NYAP2: variants seen among roughly 807,000 people sequenced by gnomAD.
The protein encoded by NYAP2 is neuronal tyrosine-phosphorylated phosphoinositide-3-kinase adaptor 2, also known as neuronal tyrosine-phosphorylated phosphoinositide-3-kinase adapter 2.
In NYAP2, 23 loss-of-function variants were observed where a neutral mutation model predicts 50.4. The ratio of observed to expected loss-of-function variants is 0.46; its 90% CI spans 0.33 to 0.65. The LOEUF (loss-of-function observed/expected upper bound fraction) is 0.65, where lower values mean the gene tolerates loss of function less well. Ranked by LOEUF, NYAP2 falls within the 30% of genes least tolerant of loss-of-function variation. The pLI is 0.02. For synonymous variants in NYAP2, 394 were observed against 365.2 expected (o/e 1.08, Z -0.90); for missense variants, 885 against 861.0 (o/e 1.03, Z -0.35).
chr2:225,571,032 C>T (rs1692062160), intron 4 of NYAP2, among the ~76,000 whole-genome samples: 1 of 152,210 alleles, frequency 6.6e-6, no homozygotes, highest in Admixed American at 6.5e-5. Context: ...ATAGGGTAGT[C>T]ATTAAATCTT....
At chr2:225,538,500 T>C (rs1691390485) in intron 4 of NYAP2, among the ~76,000 whole-genome samples, 2 of 152,208 alleles carry the variant, frequency 1.3e-5, no homozygotes, top group Admixed American at 1.3e-4. Context: ...TTGGCCCTTT[T>C]TCAGCCAGGC....
the NYAP2 span, among the ~76,000 whole-genome samples, chr2:225,694,768 A>G: frequency 6.6e-6 from 1 of 151,866 alleles, no homozygotes; most frequent in Non-Finnish European, 1.5e-5. Context: ...TCAAATATAT[A>G]TTTATATTTT....
intron 4 of NYAP2, among the ~76,000 whole-genome samples, chr2:225,523,121 C>T (rs959143287): frequency 6.6e-6 from 1 of 152,068 alleles, no homozygotes; most frequent in African/African-American, 2.4e-5. Context: ...CAGGGCCAGC[C>T]ACATATTTGA....
intron 4 of NYAP2, among the ~76,000 whole-genome samples, chr2:225,547,699 G>A (rs1301574531): frequency 7.2e-5 from 11 of 152,180 alleles, no homozygotes; most frequent in Non-Finnish European, 1.5e-4. Flanking sequence ...GGAAGAAGTG[G>A]CATCAGCAAT....
intron 4 of NYAP2, among the ~76,000 whole-genome samples, chr2:225,576,678 A>G (rs1467451683): frequency 2.0e-5 from 3 of 152,252 alleles, no homozygotes; most frequent in African/African-American, 7.2e-5. Flanking sequence ...GCAAAGTTAT[A>G]GTGCTGCTAT....
intron 4 of NYAP2, among the ~76,000 whole-genome samples, chr2:225,562,171 C>T (rs1691887528): frequency 6.6e-6 from 1 of 151,976 alleles, no homozygotes; most frequent in Admixed American, 6.6e-5. Flanking sequence ...GTTTTGTTTC[C>T]CCTTTAAATG....
At chr2:225,492,939 G>A (rs1345686302) in intron 3 of NYAP2, among the ~76,000 whole-genome samples, 2 of 151,926 alleles carry the variant, frequency 1.3e-5, no homozygotes, top group African/African-American at 4.8e-5. Context: ...CTAAATCAAT[G>A]TATCCTGGCA....
At chr2:225,570,227 T>C (rs1355931805) in intron 4 of NYAP2, among the ~76,000 whole-genome samples, 3 of 152,208 alleles carry the variant, frequency 2.0e-5, no homozygotes, top group Admixed American at 6.5e-5. Flanking sequence ...GGTGTTACTG[T>C]GCTGAATTTG....
chr2:225,657,807 CAA>C (rs1360836479), downstream of NYAP2, among the ~76,000 whole-genome samples: 1 of 152,066 alleles, frequency 6.6e-6, no homozygotes, highest in Non-Finnish European at 1.5e-5. Context: ...GATACATTGT[CAA>C]GTGTTTCCTA....
intron 3 of NYAP2, among the ~76,000 whole-genome samples, chr2:225,462,040 C>T (rs1424406080): frequency 1.3e-5 from 2 of 152,088 alleles, no homozygotes; most frequent in East Asian, 3.9e-4. Context: ...AAGTGATTTC[C>T]CCCTGCAGTC....
chr2:225,547,398 T>A (rs1691604154), intron 4 of NYAP2, among the ~76,000 whole-genome samples: 1 of 152,220 alleles, frequency 6.6e-6, no homozygotes, highest in South Asian at 2.1e-4. Context: ...GCTTAGAAAT[T>A]GCAGTCCTTG....
the NYAP2 span, among the ~76,000 whole-genome samples, chr2:225,697,560 T>TA: frequency 4.6e-5 from 7 of 151,912 alleles, no homozygotes; most frequent in Non-Finnish European, 5.9e-5. Flanking sequence ...ATTTCAAGAA[T>TA]AAAAAAACAT....
At chr2:225,472,529 C>T (rs1228608614) in intron 3 of NYAP2, among the ~76,000 whole-genome samples, 7 of 152,042 alleles carry the variant, frequency 4.6e-5, no homozygotes, top group Non-Finnish European at 1.0e-4. Context: ...AAGACATGGG[C>T]CTATTTTCAA....
At chr2:225,449,660 G>A (rs1281508725) in intron 3 of NYAP2, among the ~76,000 whole-genome samples, 2 of 137,834 alleles carry the variant, frequency 1.5e-5, no homozygotes, top group Non-Finnish European at 1.5e-5. Flanking sequence ...CCAGGCTGGA[G>A]TGCAGAGGCA....
At chr2:225,499,995 A>G (rs1335384931) in intron 3 of NYAP2, among the ~76,000 whole-genome samples, 2 of 152,210 alleles carry the variant, frequency 1.3e-5, no homozygotes, top group African/African-American at 4.8e-5. Flanking sequence ...ATAATCAATG[A>G]AGAATATACC....
At chr2:225,494,868 A>G (rs1439184686) in intron 3 of NYAP2, among the ~76,000 whole-genome samples, 1 of 152,140 alleles carries the variant, frequency 6.6e-6, no homozygotes, top group Non-Finnish European at 1.5e-5. Flanking sequence ...ATATGTTTGG[A>G]TTTCACAAGA....
At chr2:225,419,514 C>A (rs1695182347) in intron 3 of NYAP2, among the ~76,000 whole-genome samples, 1 of 152,108 alleles carries the variant, frequency 6.6e-6, no homozygotes, top group South Asian at 2.1e-4. Context: ...GAATCAGTTT[C>A]TTTCACTTGC....
At chr2:225,546,384 G>A (rs1691585268) in intron 4 of NYAP2, among the ~76,000 whole-genome samples, 1 of 152,034 alleles carries the variant, frequency 6.6e-6, no homozygotes, top group African/African-American at 2.4e-5. Context: ...TGCTAAGCTG[G>A]CACTCAAACC....
chr2:225,660,749 AAT>A, the NYAP2 span, among the ~76,000 whole-genome samples: 1 of 152,212 alleles, frequency 6.6e-6, no homozygotes, highest in Non-Finnish European at 1.5e-5. Flanking sequence ...TGTTTGGGAT[AAT>A]AAGCAAAACG....
Sources: gnomAD v4.1 joint callset for allele counts (sites outside exome capture counted in the v4.1 genomes callset) on GRCh38, gnomAD v4.1.1 for gene constraint, MANE v1.5 for transcripts, NCBI Gene and HGNC (gene_info 2026-07-23, HGNC 2026-07-21) for gene names.